PRKG2: variants seen among roughly 807,000 people sequenced by gnomAD.
The protein encoded by PRKG2 is cGMP-dependent protein kinase 2.
A neutral mutation model predicts 97.2 loss-of-function variants in PRKG2; 33 were observed. The ratio of observed to expected loss-of-function variants is 0.34; its 90% confidence interval spans 0.26 to 0.45. The LOEUF (loss-of-function observed/expected upper bound fraction) is 0.45. Among genes scored for constraint, PRKG2 ranks in the 20% least tolerant of loss-of-function variants. The pLI is 1.00. For synonymous variants in PRKG2, 330 were observed against 321.8 expected (o/e 1.03, Z -0.27); for missense variants, 638 against 900.0 (o/e 0.71, Z 3.73).
intron 17 of PRKG2, among the ~76,000 whole-genome samples, chr4:81,100,232 C>G (rs1031177278): frequency 1.3e-5 from 2 of 152,010 alleles, no homozygotes; most frequent in Non-Finnish European, 2.9e-5. Context: ...TCATATGGAA[C>G]CAAAAAAGAG....
At chr4:81,194,397 A>T (rs1752806766) in intron 2 of PRKG2, among the ~76,000 whole-genome samples, 1 of 149,902 alleles carries the variant, frequency 6.7e-6, no homozygotes, top group Non-Finnish European at 1.5e-5. Flanking sequence ...TTTTTGAGTG[A>T]TGAACCAAAA....
chr4:81,156,440 A>G (rs1253056485), intron 6 of PRKG2, among the ~76,000 whole-genome samples: 2 of 152,152 alleles, frequency 1.3e-5, no homozygotes, highest in Non-Finnish European at 2.9e-5. Context: ...CAAGTCCTGA[A>G]TGACCTGCAA....
At chr4:81,104,067 C>A (rs1578342436) in intron 17 of PRKG2, among the ~76,000 whole-genome samples, 3 of 150,808 alleles carry the variant, frequency 2.0e-5, no homozygotes, top group East Asian at 3.9e-4. Context: ...AACAAAAAAA[C>A]CTAAAGAATA....
intron 2 of PRKG2, among the ~76,000 whole-genome samples, chr4:81,195,611 C>A (rs761044154): frequency 2.6e-5 from 4 of 152,100 alleles, no homozygotes; most frequent in African/African-American, 9.7e-5. Flanking sequence ...TTTGACGATT[C>A]GAGGTACCTC....
intron 1 of PRKG2, among the ~76,000 whole-genome samples, chr4:81,205,513 C>T (rs1364470352): frequency 1.3e-5 from 2 of 152,230 alleles, no homozygotes; most frequent in African/African-American, 4.8e-5. Context: ...AAGAAACCTT[C>T]CCCAGATTTA....
chr4:81,206,208 G>T (rs1040359999), intron 1 of PRKG2, among the ~76,000 whole-genome samples: 6 of 152,168 alleles, frequency 3.9e-5, no homozygotes, highest in African/African-American at 1.4e-4. Context: ...AGGCTTTTTA[G>T]ACTACCTATT....
At chr4:81,127,726 T>C (rs890565577) in intron 14 of PRKG2, among the ~76,000 whole-genome samples, 1 of 152,226 alleles carries the variant, frequency 6.6e-6, no homozygotes, top group Non-Finnish European at 1.5e-5. Context: ...TTAGGAGATT[T>C]TGGGCTGAGA....
intron 2 of PRKG2, among the ~76,000 whole-genome samples, chr4:81,197,989 G>T (rs1355327725): frequency 6.6e-6 from 1 of 152,222 alleles, no homozygotes; most frequent in African/African-American, 2.4e-5. Flanking sequence ...TGGTTTTTGT[G>T]TAGTGTAAAA....
At chr4:81,167,873 G>T (rs1008832755) in intron 5 of PRKG2, among the ~76,000 whole-genome samples, 2 of 151,990 alleles carry the variant, frequency 1.3e-5, no homozygotes, top group African/African-American at 4.8e-5. Flanking sequence ...AGAGGAGGAA[G>T]AGGCTGGAAA....
intron 18 of PRKG2, among the ~76,000 whole-genome samples, chr4:81,091,324 C>T (rs1041600638): frequency 3.3e-5 from 5 of 152,062 alleles, no homozygotes; most frequent in African/African-American, 1.2e-4. Flanking sequence ...GCTCTGTCAT[C>T]CAGGCTGGAG....
intron 2 of PRKG2, among the ~76,000 whole-genome samples, chr4:81,190,436 G>A (rs1578501785): frequency 6.6e-6 from 1 of 152,006 alleles, no homozygotes. Flanking sequence ...TATACAAAAA[G>A]TAACTCAAGA....
intron 14 of PRKG2, among the ~76,000 whole-genome samples, chr4:81,126,133 T>C (rs1036557582): frequency 4.6e-5 from 7 of 152,158 alleles, no homozygotes; most frequent in African/African-American, 1.7e-4. Flanking sequence ...CAGTGTTTGG[T>C]TTTCTGTTCC....
At chr4:81,166,699 C>G (rs1470603298) in intron 6 of PRKG2, among the ~76,000 whole-genome samples, 1 of 151,954 alleles carries the variant, frequency 6.6e-6, no homozygotes. Flanking sequence ...TTTTTTGTGG[C>G]CTAGAGTGTT....
rs1578523781 is a variant in PRKG2, at chr4:81,204,594, C to T, written c.454G>A (p.Asp152Asn). Reference protein sequence around the residue: ...FSFEKARVRKDSSEKKLITDA... With the variant: ...FSFEKARVRKNSSEKKLITDA... ...GATGCGGAAATTTCTTACCTGGAGT[C>T]TTTTCTGACTCTTGCTTTCTCAAAG... The change falls in exon 2 of 19, where the codon GAC becomes AAC. Residue 152 changes from aspartate (D) to asparagine (N), a missense_variant. By Grantham distance (23) the Asp-to-Asn change is conservative. Coordinates refer to ENST00000264399, the MANE Select transcript of PRKG2 (RefSeq NM_006259.3). The T allele has an allele frequency of 1.2e-6, 2 of 1,612,838 alleles. No homozygotes were observed. Among genetic ancestry groups the T allele is most frequent in the Non-Finnish European group, 1.7e-6 (2 of 1,179,496 alleles).
intron 13 of PRKG2, among the ~76,000 whole-genome samples, chr4:81,135,992 A>T (rs1746656450): frequency 6.6e-6 from 1 of 152,066 alleles, no homozygotes; most frequent in South Asian, 2.1e-4. Context: ...TCAGTAAAAA[A>T]GGTTTGATAC....
At chr4:81,122,606 T>A (rs1209693408) in intron 14 of PRKG2, among the ~76,000 whole-genome samples, 1 of 152,182 alleles carries the variant, frequency 6.6e-6, no homozygotes, top group Non-Finnish European at 1.5e-5. Flanking sequence ...TCCTCTTATT[T>A]AGGCCTTTTT....
At chr4:81,197,229 C>A (rs1753013568) in intron 2 of PRKG2, among the ~76,000 whole-genome samples, 1 of 151,984 alleles carries the variant, frequency 6.6e-6, no homozygotes, top group Non-Finnish European at 1.5e-5. Flanking sequence ...TCCTGGGTAT[C>A]TAGCAAGGAA....
intron 14 of PRKG2, among the ~76,000 whole-genome samples, chr4:81,125,190 T>A (rs181924327): frequency 1.1e-4 from 17 of 152,220 alleles, no homozygotes; most frequent in Non-Finnish European, 1.9e-4. Context: ...AAAATCCATA[T>A]ATTTTTGGTG....
chr4:81,178,169 C>G (rs778875587), intron 2 of PRKG2, among the ~76,000 whole-genome samples: 1 of 150,854 alleles, frequency 6.6e-6, no homozygotes, highest in African/African-American at 2.4e-5. Flanking sequence ...GGCTAGCTCT[C>G]AAAAACACTG....
Sources: allele counts gnomAD v4.1 joint callset (sites outside exome capture counted in the v4.1 genomes callset), GRCh38; gene constraint gnomAD v4.1.1; transcripts MANE v1.5; gene names NCBI Gene and HGNC (gene_info 2026-07-23, HGNC 2026-07-21).